ENTREP2: variants seen among roughly 807,000 people sequenced by gnomAD.
ENTREP2 encodes protein ENTREP2.
At chr15:29,446,973 T>C in the ENTREP2 span, among the ~76,000 whole-genome samples, 6 of 152,200 alleles carry the variant, frequency 3.9e-5, no homozygotes, top group Admixed American at 3.3e-4. Flanking sequence ...ACATCCCTTT[T>C]CGAGGTCAAC....
chr15:29,453,718 T>C, the ENTREP2 span, among the ~76,000 whole-genome samples: 1 of 152,020 alleles, frequency 6.6e-6, no homozygotes, highest in Non-Finnish European at 1.5e-5. Context: ...CAATCAGACT[T>C]TTTTTTTGTA....
the ENTREP2 span, among the ~76,000 whole-genome samples, chr15:29,671,983 T>C: frequency 2.6e-5 from 4 of 152,120 alleles, no homozygotes; most frequent in East Asian, 1.9e-4. Flanking sequence ...ACTGCAGGGA[T>C]TCTTTTTTTG....
At chr15:29,404,629 C>T in the ENTREP2 span, among the ~76,000 whole-genome samples, 1 of 151,962 alleles carries the variant, frequency 6.6e-6, no homozygotes, top group Non-Finnish European at 1.5e-5. Context: ...CCCCATACCT[C>T]CCCTCCCCTC....
chr15:29,618,202 T>A, the ENTREP2 span, among the ~76,000 whole-genome samples: 1 of 151,980 alleles, frequency 6.6e-6, no homozygotes, highest in South Asian at 2.1e-4. Flanking sequence ...GTCGGGCAGA[T>A]CACAAGGTCA....
the ENTREP2 span, among the ~76,000 whole-genome samples, chr15:29,384,648 C>T: frequency 6.6e-6 from 1 of 152,196 alleles, no homozygotes; most frequent in Non-Finnish European, 1.5e-5. Context: ...AACTGCACAG[C>T]AGCCACTGTG....
chr15:29,273,588 G>A, the ENTREP2 span, among the ~76,000 whole-genome samples: 1 of 152,216 alleles, frequency 6.6e-6, no homozygotes, highest in Admixed American at 6.5e-5. Flanking sequence ...GGGTGTGTCA[G>A]TGAGGGTGTT....
the ENTREP2 span, among the ~76,000 whole-genome samples, chr15:29,348,634 G>A: frequency 4.6e-5 from 7 of 152,194 alleles, no homozygotes; most frequent in East Asian, 1.3e-3. Flanking sequence ...CGCAAAAGTA[G>A]CTCTGAAGAA....
At chr15:29,434,350 A>G in the ENTREP2 span, among the ~76,000 whole-genome samples, 2 of 152,174 alleles carry the variant, frequency 1.3e-5, no homozygotes, top group African/African-American at 4.8e-5. Context: ...CAACATTGCA[A>G]AGTGTTTCCT....
At chr15:29,609,761 AC>A in the ENTREP2 span, 2 of 150,440 alleles carry the variant, frequency 1.3e-5, no homozygotes, top group Non-Finnish European at 3.0e-5. Context: ...CATACCCTTT[AC>A]ACAAGTGCAT....
chr15:29,431,117 C>G, the ENTREP2 span, among the ~76,000 whole-genome samples: 1 of 152,262 alleles, frequency 6.6e-6, no homozygotes, highest in South Asian at 2.1e-4. Flanking sequence ...TTAATCCTCA[C>G]AAGGACCTAA....
At chr15:29,570,588 T>G in the ENTREP2 span, 3 of 1,466,824 alleles carry the variant, frequency 2.0e-6, no homozygotes, top group Non-Finnish European at 2.7e-6. Flanking sequence ...ACTGCCACGA[T>G]GAGGCATCCG....
the ENTREP2 span, among the ~76,000 whole-genome samples, chr15:29,410,198 T>C: frequency 6.6e-6 from 1 of 152,360 alleles, no homozygotes; most frequent in African/African-American, 2.4e-5. Context: ...TGAATTTGCA[T>C]TGATAATTTC....
chr15:29,667,878 C>T, the ENTREP2 span, among the ~76,000 whole-genome samples: 2 of 152,020 alleles, frequency 1.3e-5, no homozygotes, highest in Admixed American at 6.5e-5. Flanking sequence ...GCTATTTGCT[C>T]TACATCTTGG....
At chr15:29,672,833 G>T in the ENTREP2 span, among the ~76,000 whole-genome samples, 2 of 152,186 alleles carry the variant, frequency 1.3e-5, no homozygotes, top group African/African-American at 4.8e-5. Context: ...CTGGAAAGGG[G>T]TCCCAATCCA....
At chr15:29,266,965 G>C in the ENTREP2 span, 1 of 152,240 alleles carries the variant, frequency 6.6e-6, no homozygotes, top group Non-Finnish European at 1.5e-5. Context: ...GAGAATGCGA[G>C]TATCAGAGGG....
chr15:29,538,145 TGTCTGGGATAGG>T, the ENTREP2 span, among the ~76,000 whole-genome samples: 1 of 151,982 alleles, frequency 6.6e-6, no homozygotes, highest in African/African-American at 2.4e-5. Context: ...CCCACAGCAG[TGTCTGGGATAGG>T]GTCTGCCACA....
chr15:29,158,650 C>T, the ENTREP2 span, among the ~76,000 whole-genome samples: 2 of 152,090 alleles, frequency 1.3e-5, no homozygotes, highest in Non-Finnish European at 2.9e-5. Context: ...AAAGTTTTAT[C>T]AGAGTCCTTT....
chr15:29,303,700 G>C, the ENTREP2 span, among the ~76,000 whole-genome samples: 2 of 130,288 alleles, frequency 1.5e-5, no homozygotes, highest in Non-Finnish European at 3.1e-5. Context: ...TTGTGTCCAT[G>C]TGTACCCAAT....
the ENTREP2 span, chr15:29,374,554 T>C: frequency 6.6e-6 from 1 of 152,136 alleles, no homozygotes; most frequent in Non-Finnish European, 1.5e-5. Context: ...CACAATACAT[T>C]GGTGCATTTT....
Sources: allele counts gnomAD v4.1 joint callset (sites outside exome capture counted in the v4.1 genomes callset), GRCh38; gene constraint gnomAD v4.1.1; transcripts MANE v1.5; gene names NCBI Gene and HGNC (gene_info 2026-07-23, HGNC 2026-07-21).